DLG2: variants seen among roughly 807,000 people sequenced by gnomAD.
DLG2 encodes the protein disks large homolog 2.
Under a neutral mutation model 132.5 loss-of-function variants are expected in DLG2, and 45 were observed. That is an observed-to-expected ratio of 0.34 (90% CI 0.27 to 0.44). The LOEUF (loss-of-function observed/expected upper bound fraction) is 0.44, where lower values mean the gene tolerates loss of function less well. Ranked by LOEUF, DLG2 falls within the 20% of genes least tolerant of loss-of-function variation. DLG2 has a pLI of 1.00. For synonymous variants in DLG2, 424 were observed against 419.6 expected, an observed-to-expected ratio of 1.01 and a Z score of -0.13; for missense variants, 1,045 against 1,196.9, an observed-to-expected ratio of 0.87 and a Z score of 1.87.
chr11:85,293,556 A>T (rs1045652169), intron 3 of DLG2, among the ~76,000 whole-genome samples: 7 of 152,210 alleles, frequency 4.6e-5, no homozygotes, highest in African/African-American at 1.7e-4. Flanking sequence ...AGGAAACATC[A>T]GACAAATGCA....
chr11:84,213,818 CA>C (rs35761640), intron 8 of DLG2, among the ~76,000 whole-genome samples: 7,560 of 46,320 alleles, frequency 0.16, 220 homozygotes, highest in African/African-American at 0.33. Flanking sequence ...GACTCCGTCT[CA>C]AAAAAAAAAA....
chr11:84,494,198 G>A (rs913065295), intron 7 of DLG2, among the ~76,000 whole-genome samples: 3 of 152,118 alleles, frequency 2.0e-5, no homozygotes, highest in African/African-American at 7.2e-5. Flanking sequence ...CATTTCTTGT[G>A]TGTGGTCAAG....
At chr11:85,316,523 G>C (rs1280183238) in intron 3 of DLG2, among the ~76,000 whole-genome samples, 2 of 151,850 alleles carry the variant, frequency 1.3e-5, no homozygotes, top group Non-Finnish European at 1.5e-5. Flanking sequence ...GGAAAGAAGG[G>C]GAATAAATGA....
chr11:83,800,285 T>C (rs1360906698), intron 17 of DLG2, among the ~76,000 whole-genome samples: 1 of 152,208 alleles, frequency 6.6e-6, no homozygotes, highest in East Asian at 1.9e-4. Context: ...GAGAGCCTCA[T>C]ACTAAATCAC....
At position 84,029,989 on chromosome 11, in the gene DLG2, T is replaced by C. The variant is rs2095648374; in HGVS notation, c.919+29326A>G. ...TTTCCTAATTTACAAGTAATATATA[T>C]ACACATACATACACATATATCTGTA... On this transcript the variant is annotated intron_variant, in intron 11 of 27. Coordinates refer to ENST00000376104, the MANE Select transcript of DLG2 (RefSeq NM_001142699.3). Among the ~76,000 whole-genome samples, 4 of 152,178 alleles carry C rather than the reference T, an allele frequency of 2.6e-5. No homozygotes were observed. In the South Asian group the frequency reaches 6.2e-4, roughly 24 times the overall value.
At chr11:83,509,628 C>T (rs917786502) in intron 21 of DLG2, among the ~76,000 whole-genome samples, 3 of 152,102 alleles carry the variant, frequency 2.0e-5, no homozygotes, top group African/African-American at 7.2e-5. Context: ...ACCTTGCTCG[C>T]ATTTCAAGAC....
chr11:83,776,379 G>A (rs1337813738), intron 18 of DLG2, among the ~76,000 whole-genome samples: 1 of 152,066 alleles, frequency 6.6e-6, no homozygotes, highest in Non-Finnish European at 1.5e-5. Context: ...GGATTGCTGT[G>A]ATGTGAACAT....
chr11:84,614,892 C>A (rs982394200), intron 6 of DLG2, among the ~76,000 whole-genome samples: 2 of 152,132 alleles, frequency 1.3e-5, no homozygotes, highest in Non-Finnish European at 2.9e-5. Flanking sequence ...TAATCTACAT[C>A]TGCTGTTACA....
intron 8 of DLG2, among the ~76,000 whole-genome samples, chr11:84,240,273 T>C (rs527305680): frequency 1.2e-4 from 19 of 152,196 alleles, no homozygotes; most frequent in Non-Finnish European, 2.5e-4. Flanking sequence ...TGGAGCAGCA[T>C]AGACATTCTA....
chr11:84,953,146 C>T (rs1185272239), intron 6 of DLG2, among the ~76,000 whole-genome samples: 1 of 152,168 alleles, frequency 6.6e-6, no homozygotes, highest in East Asian at 1.9e-4. Flanking sequence ...CTACAATTAC[C>T]TCTTTGAACA....
At chr11:83,999,640 C>G (rs1222407272) in intron 11 of DLG2, among the ~76,000 whole-genome samples, 4 of 152,118 alleles carry the variant, frequency 2.6e-5, no homozygotes, top group Non-Finnish European at 5.9e-5. Context: ...ACTGCTGCCA[C>G]CCCTGGGGCC....
intron 6 of DLG2, among the ~76,000 whole-genome samples, chr11:84,921,173 G>A (rs951430839): frequency 4.6e-5 from 7 of 152,006 alleles, no homozygotes; most frequent in Admixed American, 1.3e-4. Flanking sequence ...ATAATAGACC[G>A]CAAATGAACT....
intron 6 of DLG2, among the ~76,000 whole-genome samples, chr11:84,551,233 T>C (rs964608312): frequency 1.3e-5 from 2 of 152,218 alleles, no homozygotes; most frequent in African/African-American, 4.8e-5. Flanking sequence ...CCATGCTTGC[T>C]TATGGTGGTT....
intron 17 of DLG2, among the ~76,000 whole-genome samples, chr11:83,810,274 T>C (rs1281859568): frequency 6.6e-6 from 1 of 152,132 alleles, no homozygotes; most frequent in Non-Finnish European, 1.5e-5. Flanking sequence ...CTGGCTAATG[T>C]TGATATTTAT....
chr11:85,326,346 G>A (rs1426504196), intron 3 of DLG2, among the ~76,000 whole-genome samples: 2 of 142,184 alleles, frequency 1.4e-5, no homozygotes, highest in Non-Finnish European at 1.5e-5. Context: ...TGAAATGAAG[G>A]AAGAAATGTT....
chr11:84,984,986 C>T (rs2056290291), intron 6 of DLG2, among the ~76,000 whole-genome samples: 1 of 152,156 alleles, frequency 6.6e-6, no homozygotes, highest in Admixed American at 6.6e-5. Context: ...ATTTGTAAAA[C>T]AATTACTCAT....
chr11:85,508,552 C>T (rs2093987101), intron 3 of DLG2, among the ~76,000 whole-genome samples: 1 of 151,956 alleles, frequency 6.6e-6, no homozygotes, highest in Admixed American at 6.6e-5. Context: ...TATTTTACAT[C>T]TCTGCTCACT....
At chr11:84,243,017 C>CTCTCTCTCTCTCTCTCTCTCTCTCTA (rs542476924) in intron 8 of DLG2, among the ~76,000 whole-genome samples, 13 of 142,202 alleles carry the variant, frequency 9.1e-5, no homozygotes, top group Non-Finnish European at 1.8e-4. Context: ...CTCTCTCTCT[C>CTCTCTCTCTCTCTCTCTCTCTCTCTA]TATATATATA....
At chr11:84,205,218 A>C (rs1285830825) in intron 8 of DLG2, among the ~76,000 whole-genome samples, 3 of 152,220 alleles carry the variant, frequency 2.0e-5, no homozygotes, top group Non-Finnish European at 2.9e-5. Flanking sequence ...TTCATACCTA[A>C]CCATAAAGCT....
Sources: allele counts gnomAD v4.1 joint callset (sites outside exome capture counted in the v4.1 genomes callset), GRCh38; gene constraint gnomAD v4.1.1; transcripts MANE v1.5; gene names NCBI Gene and HGNC (gene_info 2026-07-23, HGNC 2026-07-21).